RIC8B: variants seen among roughly 807,000 people sequenced by gnomAD.
RIC8B encodes chaperone Ric-8B.
RIC8B carries 16 observed loss-of-function variants against 57.5 expected under a neutral mutation model. The observed-to-expected ratio is 0.28, with a 90% CI of 0.19 to 0.42. The LOEUF (loss-of-function observed/expected upper bound fraction) is 0.42. Among genes scored for constraint, RIC8B ranks in the 10% least tolerant of loss-of-function variants. RIC8B has a pLI of 1.00. For synonymous variants in RIC8B, 216 were observed against 250.8 expected, an observed-to-expected ratio of 0.86 and a Z score of 1.31; for missense variants, 481 against 677.0, an observed-to-expected ratio of 0.71 and a Z score of 3.21.
chr12:106,823,278 C>A, intron 3 of RIC8B: 2 of 287,160 alleles, frequency 7.0e-6, no homozygotes, highest in Non-Finnish European at 1.4e-5. Context: ...TAGCTGAAAC[C>A]TGGAGTATGC....
At chr12:106,828,980 G>A (rs192233611) in intron 4 of RIC8B, among the ~76,000 whole-genome samples, 87 of 152,188 alleles carry the variant, frequency 5.7e-4, no homozygotes, top group Non-Finnish European at 1.0e-3. Context: ...AAATAGCCTG[G>A]CAGCTTTTTC....
intron 4 of RIC8B, among the ~76,000 whole-genome samples, chr12:106,837,128 C>T (rs1449405396): frequency 6.6e-6 from 1 of 152,228 alleles, no homozygotes; most frequent in Non-Finnish European, 1.5e-5. Flanking sequence ...CTTTGGGAGG[C>T]TGAGGCAGGC....
intron 8 of RIC8B, among the ~76,000 whole-genome samples, chr12:106,864,391 A>G (rs2136540920): frequency 6.6e-6 from 1 of 152,244 alleles, no homozygotes; most frequent in South Asian, 2.1e-4. Flanking sequence ...AACGCTAGTA[A>G]TAATAGCTGG....
chr12:106,826,121 C>T (rs1404405654), intron 4 of RIC8B, among the ~76,000 whole-genome samples: 1 of 152,182 alleles, frequency 6.6e-6, no homozygotes, highest in Non-Finnish European at 1.5e-5. Context: ...TAATAGTACA[C>T]AGTTATTGAA....
chr12:106,784,079 G>A, intron 2 of RIC8B, 35 bp downstream of exon 2: 1 of 1,575,184 alleles, frequency 6.3e-7, no homozygotes, highest in Non-Finnish European at 8.7e-7. Context: ...ATGTTTATGT[G>A]TGTGTGTATT....
At chr12:106,844,645 C>T (rs1462666105) in intron 6 of RIC8B, among the ~76,000 whole-genome samples, 2 of 152,132 alleles carry the variant, frequency 1.3e-5, no homozygotes, top group Non-Finnish European at 2.9e-5. Flanking sequence ...GATATCCTGG[C>T]TACTATTTGT....
intron 3 of RIC8B, 118 bp downstream of exon 3, chr12:106,815,422 A>G (rs1035738531): frequency 9.7e-7 from 1 of 1,033,956 alleles, no homozygotes; most frequent in Non-Finnish European, 1.4e-6. Context: ...CACTTCTCCC[A>G]TTAAGCAATT....
rs141161910 is a variant in RIC8B at position 106,804,892 on chromosome 12, G to C, written c.133-9804G>C. ...GCTGGGGGATGGTGAAAAAGATAGC[G>C]TTTGATTTGAAGGGAGGAGTGATTC... On this transcript the variant is annotated intron_variant, in intron 2 of 9. Transcript: ENST00000392837. Among the ~76,000 whole-genome samples, 7 of 152,252 alleles carry C rather than the reference G, an allele frequency of 4.6e-5. No homozygotes were observed. In the South Asian group the frequency reaches 1.5e-3, roughly 32 times the overall value.
chr12:106,865,951 C>T lies in RIC8B; in HGVS notation c.1452-4872C>T, dbSNP rs114910546. ...CCTGTCCTCCAGATAGCTGTCATAT[C>T]GCTCTCATTCCCTCACCACCTTCAA... On this transcript the variant is annotated intron_variant, in intron 8 of 9. Transcript: ENST00000392837. Among the ~76,000 whole-genome samples, 408 of 152,280 alleles carry T rather than the reference C, an allele frequency of 2.7e-3. 2 individuals are homozygous for T. Among genetic ancestry groups the T allele is most frequent in the African/African-American group, 8.7e-3 (360 of 41,566 alleles).
At chr12:106,801,546 A>C (rs1467396574) in intron 2 of RIC8B, among the ~76,000 whole-genome samples, 1 of 152,190 alleles carries the variant, frequency 6.6e-6, no homozygotes, top group Non-Finnish European at 1.5e-5. Flanking sequence ...TCATAGAGAC[A>C]GTATCCATTA....
chr12:106,774,825 A>G lies in RIC8B; in HGVS notation c.80A>G (p.Asp27Gly). The change falls in exon 1 of 10, where the codon GAC (aspartate) becomes GGC (glycine). Residue 27 changes from aspartate (D) to glycine (G), a missense_variant. Asp to Gly is a moderately conservative substitution (Grantham distance 94). Transcript: ENST00000392837. ...AIERVLRDYS[D>G]KHRATFKFES... ...GAGCGGGTCCTGAGGGATTACAGCGACAAGGTAAAGAGTCCTGGCCCCGGG... is the reference window on the plus strand; with the variant it reads ...GAGCGGGTCCTGAGGGATTACAGCGGCAAGGTAAAGAGTCCTGGCCCCGGG... The G allele has an allele frequency of 6.4e-7, 1 of 1,552,858 alleles. No individual in the cohort carries two copies. Among genetic ancestry groups the G allele is most frequent in the Non-Finnish European group, 8.7e-7 (1 of 1,147,506 alleles).
chr12:106,831,854 C>T lies in RIC8B; in HGVS notation c.836+6034C>T, dbSNP rs557193113. Among the ~76,000 whole-genome samples the T allele has an allele frequency of 5.2e-4, 79 of 152,258 alleles. No homozygotes were observed. The South Asian group carries it at 0.014, about 26-fold the overall frequency. On this transcript the variant is annotated intron_variant, in intron 4 of 9. Transcript: ENST00000392837. Reference sequence around the variant, plus strand: ...CCTTCACCTTGGGAACTCTCTGCCCCGAGAGCATCCGTCTTTCTGTTATCA... The same window carrying T: ...CCTTCACCTTGGGAACTCTCTGCCCTGAGAGCATCCGTCTTTCTGTTATCA...
At chr12:106,834,615 A>T (rs1336767245) in intron 4 of RIC8B, among the ~76,000 whole-genome samples, 1 of 152,178 alleles carries the variant, frequency 6.6e-6, no homozygotes, top group Non-Finnish European at 1.5e-5. Flanking sequence ...AGGTCTGGGT[A>T]CCAATGTCAA....
At chr12:106,786,467 G>C (rs1302519123) in intron 2 of RIC8B, among the ~76,000 whole-genome samples, 1 of 152,088 alleles carries the variant, frequency 6.6e-6, no homozygotes, top group Non-Finnish European at 1.5e-5. Context: ...TATTTTTATA[G>C]ATGGTCTTCA....
At chr12:106,823,686 T>A (rs972828186) in intron 3 of RIC8B, among the ~76,000 whole-genome samples, 2 of 146,980 alleles carry the variant, frequency 1.4e-5, no homozygotes, top group African/African-American at 2.5e-5. Flanking sequence ...ATGAGATAAT[T>A]TTTTTTTTTT....
chr12:106,822,186 G>A (rs1036833144), intron 3 of RIC8B: 2 of 151,264 alleles, frequency 1.3e-5, no homozygotes, highest in African/African-American at 4.9e-5. Context: ...ATGAAAAGGT[G>A]TTCAACTTTA....
intron 2 of RIC8B, among the ~76,000 whole-genome samples, chr12:106,791,842 A>T (rs578100376): frequency 1.3e-5 from 2 of 152,256 alleles, no homozygotes; most frequent in African/African-American, 4.8e-5. Flanking sequence ...ATATGTGCCA[A>T]AATAGAATCA....
At chr12:106,869,994 G>A (rs1234105465) in intron 8 of RIC8B, among the ~76,000 whole-genome samples, 1 of 151,544 alleles carries the variant, frequency 6.6e-6, no homozygotes, top group Non-Finnish European at 1.5e-5. Context: ...AAGATACTGT[G>A]ATCTCTTGTC....
intron 4 of RIC8B, among the ~76,000 whole-genome samples, chr12:106,831,354 T>A (rs1166877281): frequency 3.3e-5 from 5 of 152,238 alleles, no homozygotes; most frequent in African/African-American, 4.8e-5. Flanking sequence ...AAAATTTTTT[T>A]AATCACTTTG....
Sources: gnomAD v4.1 joint callset for allele counts (sites outside exome capture counted in the v4.1 genomes callset) on GRCh38, gnomAD v4.1.1 for gene constraint, MANE v1.5 for transcripts, NCBI Gene and HGNC (gene_info 2026-07-23, HGNC 2026-07-21) for gene names.